NRG3: variants seen among roughly 807,000 people sequenced by gnomAD.
The protein encoded by NRG3 is pro-neuregulin-3, membrane-bound isoform.
In NRG3, 31 loss-of-function variants were observed where a neutral mutation model predicts 66.9. The observed-to-expected ratio is 0.46, with a 90% confidence interval of 0.35 to 0.63. The LOEUF is 0.63. Ranked by LOEUF, NRG3 falls within the 20% of genes least tolerant of loss-of-function variation. The pLI is 0.00. For synonymous variants in NRG3, 393 were observed against 359.4 expected (o/e 1.09, Z -1.06); for missense variants, 910 against 878.9 (o/e 1.04, Z -0.45).
chr10:82,582,662 T>G (rs867182616), intron 2 of NRG3, among the ~76,000 whole-genome samples: 5 of 146,378 alleles, frequency 3.4e-5, no homozygotes, highest in African/African-American at 1.2e-4. Flanking sequence ...TCTATATGTG[T>G]TGTGTGTGTG....
chr10:82,584,905 G>C (rs1315352366), intron 2 of NRG3, among the ~76,000 whole-genome samples: 2 of 151,966 alleles, frequency 1.3e-5, no homozygotes, highest in East Asian at 3.9e-4. Context: ...GAAATCTGGA[G>C]AGTTGGCACA....
chr10:82,124,987 A>T (rs2132417201), intron 1 of NRG3, among the ~76,000 whole-genome samples: 1 of 152,122 alleles, frequency 6.6e-6, no homozygotes, highest in East Asian at 1.9e-4. Context: ...GTCAAGCTGA[A>T]CTATGCCATG....
chr10:82,335,210 A>G (rs1449398313), intron 1 of NRG3, among the ~76,000 whole-genome samples: 1 of 152,218 alleles, frequency 6.6e-6, no homozygotes, highest in Non-Finnish European at 1.5e-5. Flanking sequence ...TGATGTTTAG[A>G]TGTGATGCCT....
At position 82,616,004 on chromosome 10, in the gene NRG3, T is replaced by G. The variant is rs528495000; in HGVS notation, c.954-122573T>G. 2.0e-5 allele frequency among the ~76,000 whole-genome samples: 3 copies of G among 152,304 alleles called. No individual in the cohort carries two copies. In the East Asian group the frequency reaches 5.8e-4, roughly 29 times the overall value. On this transcript the variant is annotated intron_variant, in intron 2 of 8. Coordinates refer to ENST00000372141, the MANE Select transcript of NRG3 (RefSeq NM_001010848.4). ...TAGTTAGCCTCAATGATAATTGCTT[T>G]TAAGCAGGCCACACATACGCTACAC...
At chr10:82,329,965 C>T (rs77848698) in intron 1 of NRG3, among the ~76,000 whole-genome samples, 3,108 of 152,252 alleles carry the variant, frequency 0.02, 107 homozygotes, top group African/African-American at 0.07. Flanking sequence ...CCTCTGCGGT[C>T]TGCCTGAGGT....
chr10:82,527,712 A>G (rs1199554993), intron 2 of NRG3, among the ~76,000 whole-genome samples: 1 of 152,056 alleles, frequency 6.6e-6, no homozygotes, highest in East Asian at 1.9e-4. Flanking sequence ...TCATTATGCT[A>G]TCTCCTACTT....
At chr10:82,789,302 T>C (rs961722430) in intron 3 of NRG3, among the ~76,000 whole-genome samples, 9 of 152,256 alleles carry the variant, frequency 5.9e-5, no homozygotes, top group Admixed American at 5.2e-4. Context: ...TATGGAGCAA[T>C]AGCTATTCAA....
Position 82,068,518 on chromosome 10 carries a change from A to G in NRG3, c.823+192355A>G, listed in dbSNP as rs565459729. On this transcript the variant is annotated intron_variant, in intron 1 of 8. Coordinates refer to ENST00000372141, the MANE Select transcript of NRG3 (RefSeq NM_001010848.4). The stretch of plus-strand genomic sequence containing the variant: ...AGAAATTTACTAGTCACATAAAACC[A>G]CAAATAAATGTATAAGGTAAGCTGT... Among the ~76,000 whole-genome samples the G allele has an allele frequency of 2.2e-3, 335 of 152,338 alleles. 1 individual carries two copies. The highest frequency in any genetic ancestry group is 7.7e-3 in the African/African-American group (321 of 41,584).
chr10:82,779,062 A>G (rs1017013713), intron 3 of NRG3, among the ~76,000 whole-genome samples: 2 of 152,080 alleles, frequency 1.3e-5, no homozygotes, highest in Non-Finnish European at 2.9e-5. Flanking sequence ...GGGGCAGGGC[A>G]TACTCTATCA....
At chr10:82,951,314 T>C in intron 4 of NRG3, 155 bp from the exon 5 acceptor site, 1 of 583,732 alleles carries the variant, frequency 1.7e-6, no homozygotes, top group Non-Finnish European at 3.1e-6. Flanking sequence ...GCAAAGTAAT[T>C]GAATCATAAT....
At chr10:82,443,557 A>G (rs1459127353) in intron 2 of NRG3, among the ~76,000 whole-genome samples, 1 of 152,182 alleles carries the variant, frequency 6.6e-6, no homozygotes, top group East Asian at 1.9e-4. Context: ...CAAGACTTCA[A>G]GAACTCTAGT....
At chr10:82,458,603 C>T (rs958563917) in intron 2 of NRG3, among the ~76,000 whole-genome samples, 3 of 152,154 alleles carry the variant, frequency 2.0e-5, no homozygotes, top group African/African-American at 7.2e-5. Context: ...ACCAAGACCT[C>T]GCTCTGTCTC....
At chr10:82,656,883 C>G (rs1006341959) in intron 2 of NRG3, among the ~76,000 whole-genome samples, 11 of 152,132 alleles carry the variant, frequency 7.2e-5, no homozygotes, top group African/African-American at 2.7e-4. Flanking sequence ...GATGTAGGGT[C>G]TCAAGATCTG....
intron 3 of NRG3, 67 bp from the exon 4 acceptor site, chr10:82,865,344 T>C: frequency 6.5e-7 from 1 of 1,537,602 alleles, no homozygotes; most frequent in Non-Finnish European, 9.0e-7. Flanking sequence ...GATTTCCATG[T>C]ATAGAGCTTT....
chr10:82,340,910 G>GT (rs756313366), intron 1 of NRG3: 1 of 152,076 alleles, frequency 6.6e-6, no homozygotes, highest in Non-Finnish European at 1.5e-5. Flanking sequence ...ATTAGAAAAT[G>GT]TAAGACCTAT....
At position 82,985,208 on chromosome 10, in the gene NRG3, G is replaced by T. The variant is rs1230455590; in HGVS notation, c.1694G>T (p.Gly565Val). The T allele has an allele frequency of 1.2e-6, 2 of 1,614,014 alleles. No homozygotes were observed. The highest frequency in any genetic ancestry group is 1.7e-6 in the Non-Finnish European group (2 of 1,180,002). ...AGCTTGGAGCAAAAGGACCTGGTGG[G>T]CTATTCATCCACAAGGGCCAGTTCT... ...FNSLEQKDLVGYSSTRASSVP... is the reference protein window; with the variant it reads ...FNSLEQKDLVVYSSTRASSVP... Residue 565 changes from glycine (G) to valine (V), a missense_variant, in exon 9 of 9, where the codon GGC becomes GTC. Gly to Val is a moderately radical substitution (Grantham distance 109). Coordinates refer to ENST00000372141, the MANE Select transcript of NRG3 (RefSeq NM_001010848.4).
intron 1 of NRG3, chr10:82,166,814 T>A: frequency 1.5e-6 from 1 of 673,044 alleles, no homozygotes. Flanking sequence ...GCTGACGAAT[T>A]CATACAAATT....
At chr10:82,116,723 C>T (rs781586994) in intron 1 of NRG3, among the ~76,000 whole-genome samples, 11 of 152,212 alleles carry the variant, frequency 7.2e-5, no homozygotes, top group East Asian at 1.9e-4. Context: ...CATGGCAGGA[C>T]GCCCAAGTGA....
At chr10:82,795,552 A>T (rs1470686383) in intron 3 of NRG3, among the ~76,000 whole-genome samples, 1 of 152,164 alleles carries the variant, frequency 6.6e-6, no homozygotes, top group African/African-American at 2.4e-5. Context: ...TATAGATCTA[A>T]TTGGCTTTTA....
Sources: gnomAD v4.1 joint callset for allele counts (sites outside exome capture counted in the v4.1 genomes callset) on GRCh38, gnomAD v4.1.1 for gene constraint, MANE v1.5 for transcripts, NCBI Gene and HGNC (gene_info 2026-07-23, HGNC 2026-07-21) for gene names.